BTRC: variants seen among roughly 807,000 people sequenced by gnomAD.
BTRC encodes the protein F-box/WD repeat-containing protein 1A.
BTRC carries 42 observed loss-of-function variants against 85.5 expected under a neutral mutation model. The observed-to-expected ratio is 0.49, with a 90% CI of 0.38 to 0.64. The LOEUF is 0.64. Among genes scored for constraint, BTRC ranks in the 30% least tolerant of loss-of-function variants. BTRC has a pLI of 0.00. For synonymous variants in BTRC, 255 were observed against 263.3 expected (o/e 0.97, Z 0.30); for missense variants, 594 against 743.5 (o/e 0.80, Z 2.34).
intron 8 of BTRC, 22 bp from the exon 9 acceptor site, chr10:101,532,930 A>G: frequency 6.4e-7 from 1 of 1,561,336 alleles, no homozygotes; most frequent in South Asian, 1.1e-5. Flanking sequence ...ATTGATCAAA[A>G]GGATCTTATT....
intron 1 of BTRC, among the ~76,000 whole-genome samples, chr10:101,373,099 T>C (rs1942686392): frequency 6.6e-6 from 1 of 152,220 alleles, no homozygotes; most frequent in East Asian, 1.9e-4. Flanking sequence ...TTAGGTGTTA[T>C]TTAAAAAATT....
At chr10:101,437,319 A>G (rs1431274928) in intron 2 of BTRC, among the ~76,000 whole-genome samples, 1 of 152,194 alleles carries the variant, frequency 6.6e-6, no homozygotes, top group Non-Finnish European at 1.5e-5. Context: ...AAACAAGAGT[A>G]TCACCCATAT....
At chr10:101,493,614 C>G (rs956122233) in intron 4 of BTRC, among the ~76,000 whole-genome samples, 2 of 152,118 alleles carry the variant, frequency 1.3e-5, no homozygotes, top group Non-Finnish European at 2.9e-5. Context: ...AACAACTAGC[C>G]AGGATTTGGA....
In BTRC at chr10:101,354,245, G is replaced by A; in HGVS notation, c.48+17G>A. 1 of 1,548,644 alleles carries A rather than the reference G, an allele frequency of 6.5e-7. No homozygotes were observed. The highest frequency in any genetic ancestry group is 8.7e-7 in the Non-Finnish European group (1 of 1,146,404). ...AAGTTTATGGTGAGGAGACGGTGGA[G>A]GCCGGGGAACGGTGGAGGCGCTGGC... On this transcript the variant is annotated intron_variant, in intron 1 of 14. Coordinates refer to ENST00000370187, the MANE Select transcript of BTRC (RefSeq NM_033637.4).
At chr10:101,544,389 T>A (rs1278720768) in intron 13 of BTRC, among the ~76,000 whole-genome samples, 2 of 149,342 alleles carry the variant, frequency 1.3e-5, no homozygotes, top group African/African-American at 5.0e-5. Context: ...TACTTTCACT[T>A]GTTGTTTACT....
intron 1 of BTRC, among the ~76,000 whole-genome samples, chr10:101,381,954 A>C (rs1467476635): frequency 7.5e-6 from 1 of 133,204 alleles, no homozygotes; most frequent in East Asian, 2.3e-4. Context: ...TAGTTATCCT[A>C]AGAATGTCTT....
intron 12 of BTRC, among the ~76,000 whole-genome samples, chr10:101,536,883 A>C (rs2062395196): frequency 6.6e-6 from 1 of 152,122 alleles, no homozygotes; most frequent in African/African-American, 2.4e-5. Context: ...TGTCATTCAT[A>C]TTTTGGTTAT....
At chr10:101,534,537 C>T in intron 9 of BTRC, 124 bp from the exon 10 acceptor site, 1 of 1,276,056 alleles carries the variant, frequency 7.8e-7, no homozygotes, top group Non-Finnish European at 1.1e-6. Flanking sequence ...CCATCCCCTT[C>T]CTTCTCCCAC....
intron 6 of BTRC, among the ~76,000 whole-genome samples, chr10:101,528,847 A>T (rs889974204): frequency 6.6e-6 from 1 of 152,222 alleles, no homozygotes; most frequent in Admixed American, 6.5e-5. Flanking sequence ...AACCAAAAAT[A>T]GTAAGTAAAT....
chr10:101,432,094 A>T (rs1944417082), intron 2 of BTRC, among the ~76,000 whole-genome samples: 1 of 151,372 alleles, frequency 6.6e-6, no homozygotes, highest in African/African-American at 2.4e-5. Flanking sequence ...TGATATCCTG[A>T]GACTGCTTAT....
At chr10:101,361,708 A>G (rs1942212171) in intron 1 of BTRC, among the ~76,000 whole-genome samples, 1 of 152,210 alleles carries the variant, frequency 6.6e-6, no homozygotes, top group South Asian at 2.1e-4. Flanking sequence ...TTAGTTTCCC[A>G]TAGCCTGATT....
At chr10:101,496,712 A>AT (rs918660606) in intron 4 of BTRC, among the ~76,000 whole-genome samples, 2 of 151,808 alleles carry the variant, frequency 1.3e-5, no homozygotes, top group African/African-American at 2.4e-5. Flanking sequence ...AAAATTGAGC[A>AT]TTTTTTTTAT....
At chr10:101,384,364 G>A (rs924920866) in intron 1 of BTRC, among the ~76,000 whole-genome samples, 2 of 152,266 alleles carry the variant, frequency 1.3e-5, no homozygotes, top group South Asian at 4.1e-4. Flanking sequence ...ATTTCTTTCC[G>A]AATAAAAAGT....
At chr10:101,394,846 T>TA (rs1296786657) in intron 1 of BTRC, among the ~76,000 whole-genome samples, 1 of 152,126 alleles carries the variant, frequency 6.6e-6, no homozygotes, top group African/African-American at 2.4e-5. Context: ...ACAGATTTCT[T>TA]ACACATACAT....
At chr10:101,432,491 T>C (rs1265266431) in intron 2 of BTRC, among the ~76,000 whole-genome samples, 1 of 152,164 alleles carries the variant, frequency 6.6e-6, no homozygotes, top group African/African-American at 2.4e-5. Flanking sequence ...ATCCATAGTC[T>C]AGTTTGTTGG....
chr10:101,445,306 T>G (rs1451026909), intron 2 of BTRC, among the ~76,000 whole-genome samples: 1 of 152,212 alleles, frequency 6.6e-6, no homozygotes, highest in Non-Finnish European at 1.5e-5. Flanking sequence ...ACTGGTCACA[T>G]GCATACAGGT....
chr10:101,385,583 T>A, intron 1 of BTRC, among the ~76,000 whole-genome samples: 1 of 149,762 alleles, frequency 6.7e-6, no homozygotes, highest in Admixed American at 6.7e-5. Flanking sequence ...TTAATTTAGT[T>A]TTTCTATTTT....
chr10:101,371,493 A>G (rs1477230956), intron 1 of BTRC, among the ~76,000 whole-genome samples: 1 of 152,052 alleles, frequency 6.6e-6, no homozygotes, highest in Admixed American at 6.5e-5. Flanking sequence ...TTTTTTTCCT[A>G]TGAATTTGAT....
At chr10:101,513,619 T>G (rs1247553029) in intron 4 of BTRC, among the ~76,000 whole-genome samples, 3 of 152,258 alleles carry the variant, frequency 2.0e-5, no homozygotes, top group Non-Finnish European at 4.4e-5. Context: ...TTTATTCTTT[T>G]TGTTGCTGAG....
Sources: gnomAD v4.1 joint callset for allele counts (sites outside exome capture counted in the v4.1 genomes callset) on GRCh38, gnomAD v4.1.1 for gene constraint, MANE v1.5 for transcripts, NCBI Gene and HGNC (gene_info 2026-07-23, HGNC 2026-07-21) for gene names.